Variants in MAST3 observed in about 807,000 individuals in gnomAD.
MAST3 encodes microtubule associated serine/threonine kinase 3.
A neutral mutation model predicts 127.0 loss-of-function variants in MAST3; 43 were observed. That is an observed-to-expected ratio of 0.34 (90% CI 0.27 to 0.44). The LOEUF is 0.44. Among genes scored for constraint, MAST3 ranks in the 20% least tolerant of loss-of-function variants. The pLI is 1.00. For synonymous variants in MAST3, 785 were observed against 809.2 expected, an observed-to-expected ratio of 0.97 and a Z score of 0.51; for missense variants, 1,390 against 1,919.1, an observed-to-expected ratio of 0.72 and a Z score of 5.15.
At chr19:18,118,660 G>A (rs1432795516) in intron 3 of MAST3, among the ~76,000 whole-genome samples, 2 of 152,170 alleles carry the variant, frequency 1.3e-5, no homozygotes, top group Non-Finnish European at 2.9e-5. Context: ...TGGCATTTGG[G>A]TGGGGTGTCA....
chr19:18,106,891 A>G (rs892330265), intron 1 of MAST3, among the ~76,000 whole-genome samples: 1 of 148,926 alleles, frequency 6.7e-6, no homozygotes, highest in African/African-American at 2.5e-5. Flanking sequence ...TTTTTTGGAG[A>G]CAGGGCTCAA....
At position 18,107,725 on chromosome 19, in the gene MAST3, A is replaced by T. The variant is rs544549633; in HGVS notation, c.71+107A>T. 27 of 1,176,228 alleles carry T rather than the reference A, an allele frequency of 2.3e-5. No individual in the cohort carries two copies. In the East Asian group the frequency reaches 6.7e-4, roughly 29 times the overall value. The allele number at this position is 1,176,228 out of a possible 1,614,324, so 72.9% of individuals were successfully genotyped here. A position where few individuals can be genotyped will look rare whatever the true frequency, so the allele number is the denominator to read the frequency against. On this transcript the variant is annotated intron_variant, in intron 2 of 27. Coordinates refer to ENST00000687212, the MANE Select transcript of MAST3 (RefSeq NM_001393504.1). ...GAATGTATTTAATAATTACAGCAAC[A>T]CATCTCATGTTCATTCTTGCCCTCG...
intron 3 of MAST3, among the ~76,000 whole-genome samples, chr19:18,119,556 T>C (rs193064334): frequency 6.6e-6 from 1 of 152,340 alleles, no homozygotes; most frequent in Admixed American, 6.5e-5. Context: ...CTTGTTGGAA[T>C]TGGCAGATGT....
At chr19:18,127,112 T>C (rs933033125) in intron 11 of MAST3, among the ~76,000 whole-genome samples, 1 of 151,496 alleles carries the variant, frequency 6.6e-6, no homozygotes. Context: ...TAGCCAGGCG[T>C]GGCGGTGAAT....
chr19:18,145,914 C>T lies in MAST3; in HGVS notation c.3162+49C>T. ...CTCAGGGCTCCCCAGCACCCCTTGG[C>T]CGCAGCTCCCGGTTCCCCGTGGTTC... On this transcript the variant is annotated intron_variant, in intron 25 of 27. Coordinates refer to ENST00000687212, the MANE Select transcript of MAST3 (RefSeq NM_001393504.1). The surrounding 1 kb of genome is among the most constrained non-coding windows in gnomAD (Gnocchi z 5.9). 2.0e-6 allele frequency: 3 copies of T among 1,524,746 alleles called. No homozygotes were observed. Among genetic ancestry groups the T allele is most frequent in the Non-Finnish European group, 2.6e-6 (3 of 1,145,066 alleles). 94.5% of individuals were successfully genotyped at this position (1,524,746 alleles called of 1,614,324 possible).
chr19:18,107,186 C>A (rs1289756472), intron 1 of MAST3, among the ~76,000 whole-genome samples: 1 of 151,918 alleles, frequency 6.6e-6, no homozygotes, highest in Non-Finnish European at 1.5e-5. Context: ...CTGGCTTAAA[C>A]TTCTGGGCTC....
chr19:18,135,826 G>T lies in MAST3; in HGVS notation c.1957G>T (p.Asp653Tyr). 6.2e-7 allele frequency: 1 copy of T among 1,606,948 alleles called. No individual in the cohort carries two copies. Among genetic ancestry groups the T allele is most frequent in the Non-Finnish European group, 8.5e-7 (1 of 1,176,828 alleles). ...ITRLLRQSPL[D>Y]RLGTGGTHEV... is the part of the protein sequence containing the mutation. ...CAGGTTGCTCCGGCAGAGCCCGCTG[G>T]ACCGTCTGGGCACTGGTATGTAGTG... The change falls in exon 18 of 28, where the codon GAC (aspartate) becomes TAC (tyrosine). Residue 653 changes from aspartate (D) to tyrosine (Y), a missense_variant. Transcript: ENST00000687212.
intron 12 of MAST3, 142 bp downstream of exon 12, chr19:18,128,600 G>T: frequency 1.1e-6 from 1 of 907,736 alleles, no homozygotes; most frequent in Admixed American, 2.3e-5. Flanking sequence ...GTGACGGCAC[G>T]TGGGACTGCC....
chr19:18,138,156 G>C (rs185296027), intron 19 of MAST3, among the ~76,000 whole-genome samples: 21 of 150,860 alleles, frequency 1.4e-4, no homozygotes, highest in African/African-American at 5.1e-4. Context: ...GTTGCAGTGA[G>C]CTGAGATGGC....
intron 1 of MAST3, among the ~76,000 whole-genome samples, chr19:18,106,188 A>G (rs1041077572): frequency 6.6e-6 from 1 of 152,112 alleles, no homozygotes; most frequent in Non-Finnish European, 1.5e-5. Flanking sequence ...CCTGGGGTCA[A>G]GCAATCCTCC....
At chr19:18,114,548 C>T (rs979165410) in intron 3 of MAST3, among the ~76,000 whole-genome samples, 1 of 152,128 alleles carries the variant, frequency 6.6e-6, no homozygotes, top group Non-Finnish European at 1.5e-5. Flanking sequence ...TTTTCTCACC[C>T]AGAGGTTTGA....
chr19:18,146,247 TG>T (rs1347986284), intron 25 of MAST3, among the ~76,000 whole-genome samples: 1 of 152,174 alleles, frequency 6.6e-6, no homozygotes, highest in African/African-American at 2.4e-5. Context: ...GAGACCAGCC[TG>T]GGCAACAGAG....
At chr19:18,101,553 GCAGGCTTTGTTTGACACCCCCTACTC>G (rs1568542725) in intron 1 of MAST3, among the ~76,000 whole-genome samples, 1 of 152,092 alleles carries the variant, frequency 6.6e-6, no homozygotes, top group African/African-American at 2.4e-5. Context: ...CCATGTGCCT[GCAGGCTTTGTTTGACACCCCCTACTC>G]CAGGAAGCCC....
At position 18,145,423 on chromosome 19, in the gene MAST3, T is replaced by C. The variant is rs2042925841; in HGVS notation, c.3039+194T>C. Among the ~76,000 whole-genome samples, 1 of 152,018 alleles carries C rather than the reference T, an allele frequency of 6.6e-6. No homozygotes were observed. Among genetic ancestry groups the C allele is most frequent in the Admixed American group, 6.5e-5 (1 of 15,276 alleles). On this transcript the variant is annotated intron_variant, in intron 24 of 27. Coordinates refer to ENST00000687212, the MANE Select transcript of MAST3 (RefSeq NM_001393504.1). The surrounding 1 kb of genome is among the most constrained non-coding windows in gnomAD (Gnocchi z 5.9). ...GAGACAAGGATGGATGGATGGAAGC[T>C]CACAGATCCCAAGTGGCATTAACCT...
intron 25 of MAST3, among the ~76,000 whole-genome samples, 174 bp from the exon 26 acceptor site, chr19:18,146,707 C>T (rs1284116781): frequency 6.6e-6 from 1 of 152,098 alleles, no homozygotes; most frequent in Non-Finnish European, 1.5e-5. Context: ...GGTGGTGCTC[C>T]CTGGGCTATT....
chr19:18,129,038 C>T, intron 13 of MAST3, 87 bp downstream of exon 13: 1 of 1,145,396 alleles, frequency 8.7e-7, no homozygotes, highest in Non-Finnish European at 1.3e-6. Flanking sequence ...CCCCCTCCTA[C>T]CCCAGCAGGG....
At chr19:18,101,691 C>T (rs1371512475) in intron 1 of MAST3, among the ~76,000 whole-genome samples, 1 of 151,974 alleles carries the variant, frequency 6.6e-6, no homozygotes, top group Non-Finnish European at 1.5e-5. Flanking sequence ...AGTGCGGTGG[C>T]CCAGGCTGGA....
At position 18,110,509 on chromosome 19, in the gene MAST3, C is replaced by T. The variant is rs972277269; in HGVS notation, c.72-143C>T. The T allele has an allele frequency of 3.4e-6, 3 of 878,552 alleles. No homozygotes were observed. Among genetic ancestry groups the T allele is most frequent in the Non-Finnish European group, 4.1e-6 (3 of 732,024 alleles). 54.4% of individuals were successfully genotyped at this position (878,552 alleles called of 1,614,324 possible). ...TCCCGGGCCATCGGTCTGGCCCCGC[C>T]CTCACGTCCTGAGCTGAACCCAGAA... On this transcript the variant is annotated intron_variant, in intron 2 of 27. Transcript: ENST00000687212. The surrounding 1 kb of genome is among the most constrained non-coding windows in gnomAD (Gnocchi z 4.3).
At chr19:18,101,257 T>C (rs1199891277) in intron 1 of MAST3, among the ~76,000 whole-genome samples, 1 of 152,192 alleles carries the variant, frequency 6.6e-6, no homozygotes, top group Non-Finnish European at 1.5e-5. Flanking sequence ...GACTTTTGTC[T>C]CTGCCGCTAC....
Sources: allele counts gnomAD v4.1 joint callset (sites outside exome capture counted in the v4.1 genomes callset), GRCh38; gene constraint gnomAD v4.1.1; non-coding constraint Gnocchi (gnomAD v3.1); transcripts MANE v1.5; gene names NCBI Gene and HGNC (gene_info 2026-07-23, HGNC 2026-07-21).